Variants in POLA1 observed in about 807,000 individuals in gnomAD.
The protein encoded by POLA1 is DNA polymerase alpha 1, catalytic subunit.
A neutral mutation model predicts 124.0 loss-of-function variants in POLA1; 15 were observed. That is an observed-to-expected ratio of 0.12 (90% CI 0.08 to 0.19). The LOEUF (loss-of-function observed/expected upper bound fraction) is 0.19, where lower values mean the gene tolerates loss of function less well. POLA1 is among the 10% of genes least tolerant of loss of function. POLA1 has a pLI of 1.00. For missense variants in POLA1, 886 were observed against 1,103.4 expected (o/e 0.80, Z 2.79); for synonymous variants, 408 against 389.4 (o/e 1.05, Z -0.56).
Position 24,739,573 on chromosome X carries a change from A to G in POLA1, c.2216+23A>G, listed in dbSNP as rs776240925. On this transcript the variant is annotated intron_variant, in intron 20 of 36. Coordinates refer to ENST00000379068, the MANE Select transcript of POLA1 (RefSeq NM_001330360.2). ...CAGGTATGATCCTAGATTCTTCAGAATTCATCTGTCTTGAAATTAACAACA... is the reference window on the plus strand; with the variant it reads ...CAGGTATGATCCTAGATTCTTCAGAGTTCATCTGTCTTGAAATTAACAACA... The G allele has an allele frequency of 3.9e-6, 4 of 1,036,338 alleles. No individual in the cohort carries two copies. In the South Asian group the frequency reaches 8.1e-5, roughly 21 times the overall value. 85.4% of individuals were successfully genotyped at this position (1,036,338 alleles called of 1,213,427 possible).
rs749632404 is a variant in POLA1 at position 24,748,347 on chromosome X, C to T, written c.2728C>T (p.Pro910Ser). 1 of 1,196,257 alleles carries T rather than the reference C, an allele frequency of 8.4e-7. No homozygotes were observed. The highest frequency in any genetic ancestry group is 1.7e-5 in the African/African-American group (1 of 57,513). The change falls in exon 25 of 37, where the codon CCA becomes TCA. Residue 910 changes from proline to serine, a missense_variant. Transcript: ENST00000379068. ...EQEQIPELPD[P>S]SLEMGILPRE... ...AGAACAGATCCCTGAGTTGCCAGATCCAAGCTTAGAAATGGGCATTTTGCC... is the reference window on the plus strand; with the variant it reads ...AGAACAGATCCCTGAGTTGCCAGATTCAAGCTTAGAAATGGGCATTTTGCC...
At position 24,717,346 on chromosome X, in the gene POLA1, T is replaced by G. The variant is rs765798973; in HGVS notation, c.763T>G (p.Phe255Val). ...AGAGCAGGAGTCAGGGGCAATGGAG[T>G]TTGAAGATGGTGACTTTGATGAGCC... ...EEEQESGAME[F>V]EDGDFDEPME... The change falls in exon 9 of 37, where the codon TTT becomes GTT. Residue 255 changes from phenylalanine (F) to valine (V), a missense_variant. Transcript: ENST00000379068. The G allele has an allele frequency of 1.7e-5, 21 of 1,206,637 alleles. No individual in the cohort carries two copies. In the African/African-American group the frequency reaches 3.0e-4, roughly 17 times the overall value.
chrX:24,871,279 G>C (rs947085101), intron 34 of POLA1, among the ~76,000 whole-genome samples: 3 of 111,674 alleles, frequency 2.7e-5, no homozygotes, highest in Non-Finnish European at 5.6e-5. Context: ...CAGATTGCTG[G>C]GTGCCACCCT....
At chrX:24,765,687 A>T (rs1162974139) in intron 26 of POLA1, among the ~76,000 whole-genome samples, 3 of 111,538 alleles carry the variant, frequency 2.7e-5, no homozygotes, top group South Asian at 3.8e-4. Context: ...TAAATAAAAA[A>T]TTTTTTCTCA....
At chrX:24,894,260 G>C (rs1312343378) in intron 35 of POLA1, among the ~76,000 whole-genome samples, 1 of 112,151 alleles carries the variant, frequency 8.9e-6, no homozygotes, top group African/African-American at 3.2e-5. Context: ...AGTCTGTTCA[G>C]AGTTGTGTTA....
At chrX:24,920,639 G>C (rs894106044) in intron 35 of POLA1, among the ~76,000 whole-genome samples, 1 of 112,264 alleles carries the variant, frequency 8.9e-6, no homozygotes, top group South Asian at 3.8e-4. Flanking sequence ...CCACTTACTA[G>C]CTGCATGACC....
chrX:24,876,730 G>A (rs1247065119), intron 34 of POLA1, among the ~76,000 whole-genome samples: 2 of 110,902 alleles, frequency 1.8e-5, no homozygotes, highest in Admixed American at 1.9e-4. Flanking sequence ...GTGGAGAGAC[G>A]AAGTCAGGGC....
At chrX:24,857,187 T>C (rs2046656816) in intron 34 of POLA1, among the ~76,000 whole-genome samples, 1 of 111,696 alleles carries the variant, frequency 9.0e-6, no homozygotes, top group African/African-American at 3.3e-5. Flanking sequence ...AGTCTGTCCT[T>C]CTTCCACTGA....
intron 36 of POLA1, among the ~76,000 whole-genome samples, chrX:24,972,129 C>T (rs924082144): frequency 4.5e-5 from 5 of 110,173 alleles, no homozygotes; most frequent in Non-Finnish European, 9.5e-5. Flanking sequence ...CCACCACGCC[C>T]GGCTAAGTTT....
At chrX:24,862,302 C>T (rs1197261972) in intron 34 of POLA1, among the ~76,000 whole-genome samples, 1 of 111,973 alleles carries the variant, frequency 8.9e-6, no homozygotes, top group Non-Finnish European at 1.9e-5. Context: ...GTGCCTTTCT[C>T]ACTGATTAAT....
At chrX:24,916,570 C>T (rs909272961) in intron 35 of POLA1, among the ~76,000 whole-genome samples, 3 of 111,129 alleles carry the variant, frequency 2.7e-5, no homozygotes, top group Admixed American at 9.5e-5. Context: ...TGAGCCACCG[C>T]GCCCGGCCAC....
intron 34 of POLA1, among the ~76,000 whole-genome samples, chrX:24,863,228 A>C (rs973305057): frequency 1.9e-5 from 2 of 106,503 alleles, no homozygotes; most frequent in African/African-American, 7.0e-5. Context: ...AATAGCTGCT[A>C]TCTTTTGTCT....
rs1198156745 is a variant in POLA1 at position 24,897,221 on chromosome X, A to G, written c.4164+9099A>G. Among the ~76,000 whole-genome samples the G allele has an allele frequency of 2.7e-5, 3 of 111,844 alleles. No homozygotes were observed. In the East Asian group the frequency reaches 8.4e-4, roughly 31 times the overall value. On this transcript the variant is annotated intron_variant, in intron 35 of 36. Coordinates refer to ENST00000379068, the MANE Select transcript of POLA1 (RefSeq NM_001330360.2). The stretch of plus-strand genomic sequence containing the variant: ...TTGGGACCTCAAGTTCCTCATTTGT[A>G]AAATAGAAGGCTTACAGCATCAGAA...
intron 18 of POLA1, among the ~76,000 whole-genome samples, chrX:24,737,378 C>T (rs1478110864): frequency 9.0e-6 from 1 of 111,254 alleles, no homozygotes; most frequent in Admixed American, 9.5e-5. Context: ...ATGAGCCTTG[C>T]ATCAATTAGG....
chrX:24,887,308 AAGAC>A (rs2047077385), intron 34 of POLA1, among the ~76,000 whole-genome samples: 1 of 112,481 alleles, frequency 8.9e-6, no homozygotes, highest in African/African-American at 3.2e-5. Context: ...AGGGTTCTAA[AAGAC>A]AGAGAAGTGA....
intron 36 of POLA1, among the ~76,000 whole-genome samples, chrX:24,936,778 G>A (rs1215476839): frequency 3.6e-5 from 4 of 111,559 alleles, no homozygotes; most frequent in Non-Finnish European, 7.5e-5. Flanking sequence ...TGATCCACCC[G>A]CCTCGGCCTC....
At chrX:24,797,865 T>C (rs1321979413) in intron 26 of POLA1, among the ~76,000 whole-genome samples, 2 of 105,552 alleles carry the variant, frequency 1.9e-5, no homozygotes, top group Non-Finnish European at 3.9e-5. Context: ...GTAGGCAACA[T>C]AGTGAGACCC....
At chrX:24,747,732 C>CT (rs756889284) in intron 24 of POLA1, among the ~76,000 whole-genome samples, 3,443 of 90,434 alleles carry the variant, frequency 0.038, 210 homozygotes, top group African/African-American at 0.12. Context: ...AAATGTATCC[C>CT]TTTTTTTTTT....
intron 3 of POLA1, 150 bp downstream of exon 3, chrX:24,703,497 C>A: frequency 2.3e-6 from 1 of 434,677 alleles, no homozygotes; most frequent in Non-Finnish European, 4.0e-6. Context: ...TTGGATTTTC[C>A]TTTAATTATT....
Sources: gnomAD v4.1 joint callset for allele counts (sites outside exome capture counted in the v4.1 genomes callset) on GRCh38, gnomAD v4.1.1 for gene constraint, MANE v1.5 for transcripts, NCBI Gene and HGNC (gene_info 2026-07-23, HGNC 2026-07-21) for gene names.